WDR48: variants seen among roughly 807,000 people sequenced by gnomAD.
WDR48 encodes the protein WD repeat domain 48.
WDR48 carries 22 observed loss-of-function variants against 94.0 expected under a neutral mutation model. The observed-to-expected ratio is 0.23, with a 90% CI of 0.17 to 0.33. WDR48 has a LOEUF of 0.33. Ranked by LOEUF, WDR48 falls within the 10% of genes least tolerant of loss-of-function variation. WDR48 has a pLI of 1.00. For synonymous variants in WDR48, 278 were observed against 280.5 expected, an observed-to-expected ratio of 0.99 and a Z score of 0.09; for missense variants, 541 against 813.8, an observed-to-expected ratio of 0.66 and a Z score of 4.08.
At chr3:39,080,401 A>T (rs1342717022) in intron 11 of WDR48, among the ~76,000 whole-genome samples, 1 of 152,246 alleles carries the variant, frequency 6.6e-6, no homozygotes, top group Non-Finnish European at 1.5e-5. Context: ...TCCTTCTGGG[A>T]CAGTTGAAAT....
chr3:39,084,227 G>T lies in WDR48; in HGVS notation c.1246G>T (p.Val416Leu). Reference protein sequence around the residue: ...EIKKRFKMVYVPNWFSVDLKT... With the variant: ...EIKKRFKMVYLPNWFSVDLKT... ...TAAGAAAAGATTTAAAATGGTGTATGTGCCAAATTGGTTCTCAGTAGACTT... is the reference window on the plus strand; with the variant it reads ...TAAGAAAAGATTTAAAATGGTGTATTTGCCAAATTGGTTCTCAGTAGACTT... The change falls in exon 12 of 19, where the codon GTG becomes TTG. Residue 416 changes from valine (V) to leucine (L), a missense_variant. Val to Leu is a conservative substitution (Grantham distance 32). This residue lies in a region of WDR48 where 238 missense variants were observed against 285.3 expected (regional missense o/e 0.83). Transcript: ENST00000302313. The T allele has an allele frequency of 6.2e-7, 1 of 1,612,498 alleles. No homozygotes were observed. The highest frequency in any genetic ancestry group is 8.5e-7 in the Non-Finnish European group (1 of 1,179,038).
intron 2 of WDR48, among the ~76,000 whole-genome samples, chr3:39,064,263 C>T (rs2033456350): frequency 6.6e-6 from 1 of 150,832 alleles, no homozygotes; most frequent in African/African-American, 2.4e-5. Context: ...TATTAGGATC[C>T]ATTTTCTTTT....
intron 18 of WDR48, 97 bp downstream of exon 18, chr3:39,094,163 G>T (rs1490060044): frequency 1.3e-6 from 2 of 1,498,706 alleles, no homozygotes; most frequent in East Asian, 2.4e-5. Context: ...TTTTAGAGGG[G>T]CTCTAAGGAG....
At chr3:39,074,606 A>C (rs933800016) in intron 7 of WDR48, 120 bp from the exon 8 acceptor site, 5 of 994,798 alleles carry the variant, frequency 5.0e-6, no homozygotes, top group Non-Finnish European at 7.4e-6. Flanking sequence ...TATCAGAGGC[A>C]GAAACACAGG....
At chr3:39,093,034 G>A (rs1292456971) in intron 17 of WDR48, among the ~76,000 whole-genome samples, 3 of 152,192 alleles carry the variant, frequency 2.0e-5, no homozygotes, top group African/African-American at 7.2e-5. Context: ...AGATACAGAA[G>A]TAGGGTGTTG....
intron 17 of WDR48, 41 bp from the exon 18 acceptor site, chr3:39,093,833 T>G (rs1161330228): frequency 2.1e-6 from 3 of 1,459,084 alleles, no homozygotes. Context: ...TAATATCTAG[T>G]GATTTCCCTG....
At chr3:39,073,755 G>C (rs2034063893) in intron 7 of WDR48, among the ~76,000 whole-genome samples, 1 of 152,170 alleles carries the variant, frequency 6.6e-6, no homozygotes, top group Non-Finnish European at 1.5e-5. Context: ...GAAATTGTCA[G>C]AATTGCCAGT....
At chr3:39,093,444 GC>G (rs1465267800) in intron 17 of WDR48, among the ~76,000 whole-genome samples, 1 of 152,166 alleles carries the variant, frequency 6.6e-6, no homozygotes, top group African/African-American at 2.4e-5. Context: ...GCTCACTGCA[GC>G]CTCTGCATCC....
chr3:39,089,250 G>A lies in WDR48; in HGVS notation c.1600G>A (p.Gly534Arg), dbSNP rs764573859. 40 of 1,612,924 alleles carry A rather than the reference G, an allele frequency of 2.5e-5. No homozygotes were observed. Among genetic ancestry groups the A allele is most frequent in the African/African-American group, 5.3e-5 (4 of 74,884 alleles). ...TLFRLLCRDSGGETESMLLNE... is the reference protein window; with the variant it reads ...TLFRLLCRDSRGETESMLLNE... ...GTTTAGGCTGCTCTGCCGAGATTCC[G>A]GGGGTGAGACTGAGTCTATGCTTCT... The change falls in exon 16 of 19, where the codon GGG (glycine) becomes AGG (arginine). Residue 534 changes from glycine (G) to arginine (R), a missense_variant. Gly to Arg is a moderately radical substitution (Grantham distance 125). Coordinates refer to ENST00000302313, the MANE Select transcript of WDR48 (RefSeq NM_020839.4).
chr3:39,087,049 C>A (rs1216319028), intron 14 of WDR48, among the ~76,000 whole-genome samples: 3 of 152,170 alleles, frequency 2.0e-5, no homozygotes, highest in African/African-American at 4.8e-5. Context: ...CCCTGTCCTT[C>A]AGGAGCTGAT....
chr3:39,053,381 T>G (rs2032617173), intron 1 of WDR48, among the ~76,000 whole-genome samples: 1 of 152,224 alleles, frequency 6.6e-6, no homozygotes. Flanking sequence ...TTGGTTTTAT[T>G]GATCTCACTG....
At chr3:39,094,275 C>G (rs1575442004) in intron 18 of WDR48, 1 of 1,429,618 alleles carries the variant, frequency 7.0e-7, no homozygotes, top group South Asian at 1.5e-5. Context: ...GTGCTGGTAG[C>G]TTTTTTTTCT....
intron 11 of WDR48, among the ~76,000 whole-genome samples, chr3:39,083,427 A>C (rs2034636421): frequency 6.6e-6 from 1 of 152,206 alleles, no homozygotes; most frequent in Non-Finnish European, 1.5e-5. Flanking sequence ...ATGACAATAC[A>C]AGGTCATCCC....
At chr3:39,066,124 C>T (rs1032063560) in intron 3 of WDR48, among the ~76,000 whole-genome samples, 3 of 152,184 alleles carry the variant, frequency 2.0e-5, no homozygotes, top group Non-Finnish European at 4.4e-5. Context: ...GCTCTTCTGT[C>T]TTCTGAACAC....
chr3:39,074,848 A>G lies in WDR48; in HGVS notation c.795A>G (p.Thr265=), dbSNP rs921007129. ...VWALQVNDAF[T]HVYSGGRDRK... ...CGCTGCAAGTCAATGATGCCTTCAC[A>G]CATGTGTATTCTGGTGGAAGGGACA... Residue 265 remains threonine (T), a synonymous_variant, in exon 8 of 19, where the codon ACA becomes ACG. Coordinates refer to ENST00000302313, the MANE Select transcript of WDR48 (RefSeq NM_020839.4). The G allele has an allele frequency of 5.0e-6, 8 of 1,614,240 alleles. No homozygotes were observed. Among genetic ancestry groups the G allele is most frequent in the Non-Finnish European group, 6.8e-6 (8 of 1,180,038 alleles).
chr3:39,064,839 A>G (rs1160469276), intron 2 of WDR48, among the ~76,000 whole-genome samples: 2 of 152,218 alleles, frequency 1.3e-5, no homozygotes, highest in Admixed American at 6.5e-5. Flanking sequence ...CAAATGTCAA[A>G]AGCATGAAAA....
At chr3:39,079,646 T>A in intron 10 of WDR48, 65 bp from the exon 11 acceptor site, 1 of 1,218,082 alleles carries the variant, frequency 8.2e-7, no homozygotes. Flanking sequence ...TTAACAATTG[T>A]TACCACACCA....
chr3:39,057,555 A>T (rs1372746075), intron 1 of WDR48, among the ~76,000 whole-genome samples: 1 of 152,264 alleles, frequency 6.6e-6, no homozygotes, highest in Non-Finnish European at 1.5e-5. Flanking sequence ...CACATGAAAG[A>T]GACATGAATG....
chr3:39,059,399 C>G (rs1185765873), intron 1 of WDR48, among the ~76,000 whole-genome samples: 1 of 152,126 alleles, frequency 6.6e-6, no homozygotes, highest in South Asian at 2.1e-4. Flanking sequence ...TGGGGGCAGT[C>G]AGTTTGAAAT....
Sources: allele counts gnomAD v4.1 joint callset (sites outside exome capture counted in the v4.1 genomes callset), GRCh38; gene constraint gnomAD v4.1.1; regional missense constraint gnomAD v4.1.1; transcripts MANE v1.5; gene names NCBI Gene and HGNC (gene_info 2026-07-23, HGNC 2026-07-21).